Variants in AGBL1 observed in about 807,000 individuals in gnomAD.
AGBL1 encodes cytosolic carboxypeptidase 4.
AGBL1 carries 130 observed loss-of-function variants against 118.9 expected under a neutral mutation model. The ratio of observed to expected loss-of-function variants is 1.09; its 90% CI spans 0.95 to 1.26. The LOEUF (loss-of-function observed/expected upper bound fraction) is 1.26, where lower values mean the gene tolerates loss of function less well. Ranked by LOEUF, AGBL1 falls within the 50% of genes most tolerant of loss-of-function variation. The pLI is 0.00. For missense variants in AGBL1, 1,584 were observed against 1,298.1 expected, an observed-to-expected ratio of 1.22 and a Z score of -3.38; for synonymous variants, 555 against 478.9, an observed-to-expected ratio of 1.16 and a Z score of -2.08.
At chr15:86,117,323 T>C (rs191694132) in intron 1 of AGBL1, among the ~76,000 whole-genome samples, 222 of 152,214 alleles carry the variant, frequency 1.5e-3, no homozygotes, top group Admixed American at 6.8e-3. Context: ...AACTTTTTTT[T>C]CCCTTTATTT....
At chr15:86,138,573 T>C (rs77760523) in intron 1 of AGBL1, among the ~76,000 whole-genome samples, 4,531 of 152,320 alleles carry the variant, frequency 0.03, 88 homozygotes, top group Middle Eastern at 0.085. Context: ...TCCCAGTGAA[T>C]GTTTGCGAGA....
chr15:86,717,330 A>G (rs1380882234), intron 22 of AGBL1, among the ~76,000 whole-genome samples: 1 of 152,186 alleles, frequency 6.6e-6, no homozygotes, highest in Non-Finnish European at 1.5e-5. Flanking sequence ...TAATATGGTC[A>G]GTGTGGAACA....
At chr15:86,976,743 C>T (rs999434098) in intron 23 of AGBL1, among the ~76,000 whole-genome samples, 7 of 151,540 alleles carry the variant, frequency 4.6e-5, no homozygotes, top group African/African-American at 9.7e-5. Flanking sequence ...TTTTTAAATT[C>T]GTATCTTTTT....
chr15:86,231,174 T>C (rs1039733954), intron 6 of AGBL1, among the ~76,000 whole-genome samples: 4 of 152,230 alleles, frequency 2.6e-5, no homozygotes, highest in Admixed American at 2.0e-4. Flanking sequence ...ATGCATATTT[T>C]TCCTACTGGG....
At chr15:86,543,677 A>G (rs2083535893) in intron 19 of AGBL1, among the ~76,000 whole-genome samples, 1 of 152,218 alleles carries the variant, frequency 6.6e-6, no homozygotes, top group Non-Finnish European at 1.5e-5. Context: ...CTGTAGAAAA[A>G]ATAATACTGG....
intron 22 of AGBL1, among the ~76,000 whole-genome samples, chr15:86,771,833 T>C (rs1041068885): frequency 6.6e-6 from 1 of 152,062 alleles, no homozygotes; most frequent in Non-Finnish European, 1.5e-5. Context: ...CATGTTTTAT[T>C]TCCCAGTTAG....
chr15:86,131,345 G>A (rs1347437735), intron 1 of AGBL1, among the ~76,000 whole-genome samples: 4 of 152,108 alleles, frequency 2.6e-5, no homozygotes, highest in East Asian at 1.9e-4. Context: ...ACATGACAAA[G>A]CATTTGTGGA....
At chr15:86,151,224 G>C (rs968619398) in intron 3 of AGBL1, among the ~76,000 whole-genome samples, 1 of 150,810 alleles carries the variant, frequency 6.6e-6, no homozygotes, top group Non-Finnish European at 1.5e-5. Flanking sequence ...TGGGTGCAGC[G>C]CACCAGCATG....
intron 18 of AGBL1, among the ~76,000 whole-genome samples, chr15:86,450,293 T>G (rs2082177320): frequency 1.3e-5 from 2 of 152,196 alleles, no homozygotes; most frequent in Non-Finnish European, 2.9e-5. Flanking sequence ...ACTCCACATT[T>G]TTTCCTTGTC....
intron 18 of AGBL1, among the ~76,000 whole-genome samples, chr15:86,488,205 G>A (rs143899099): frequency 7.9e-5 from 12 of 152,090 alleles, no homozygotes; most frequent in African/African-American, 2.7e-4. Flanking sequence ...ATGGCTAGAC[G>A]TATAGGTCTC....
chr15:86,091,256 G>T (rs17592205), intron 1 of AGBL1, among the ~76,000 whole-genome samples: 2,276 of 152,262 alleles, frequency 0.015, 35 homozygotes, highest in South Asian at 0.075. Flanking sequence ...GGGTGGAAAG[G>T]TTTTCAGAAT....
intron 22 of AGBL1, among the ~76,000 whole-genome samples, chr15:86,812,494 C>G (rs985938777): frequency 6.6e-6 from 1 of 152,222 alleles, no homozygotes; most frequent in African/African-American, 2.4e-5. Context: ...AGTTTTGATG[C>G]TCGAGCTCCA....
At chr15:86,980,116 G>A (rs949892661) in intron 23 of AGBL1, among the ~76,000 whole-genome samples, 3 of 149,892 alleles carry the variant, frequency 2.0e-5, no homozygotes, top group South Asian at 2.1e-4. Flanking sequence ...CCTCAATCCT[G>A]AATTCTTTGC....
intron 22 of AGBL1, among the ~76,000 whole-genome samples, chr15:86,720,922 A>T (rs1156400103): frequency 6.6e-6 from 1 of 152,198 alleles, no homozygotes; most frequent in African/African-American, 2.4e-5. Context: ...ATTCCTCAAC[A>T]CATACACCCT....
chr15:86,120,777 C>A (rs908786842), intron 1 of AGBL1, among the ~76,000 whole-genome samples: 1 of 152,170 alleles, frequency 6.6e-6, no homozygotes, highest in African/African-American at 2.4e-5. Context: ...AGAAATACCC[C>A]TTTGGCATAA....
intron 6 of AGBL1, among the ~76,000 whole-genome samples, chr15:86,246,407 G>A (rs917701993): frequency 6.6e-6 from 1 of 152,230 alleles, no homozygotes; most frequent in Non-Finnish European, 1.5e-5. Flanking sequence ...GAGAGGTCTT[G>A]TTGTGGGACT....
At chr15:86,440,655 C>T (rs748902843) in intron 18 of AGBL1, among the ~76,000 whole-genome samples, 1 of 152,008 alleles carries the variant, frequency 6.6e-6, no homozygotes, top group Non-Finnish European at 1.5e-5. Context: ...AGCCCCAAGA[C>T]ACATATTCGT....
At chr15:86,879,102 T>A (rs780584035) in intron 22 of AGBL1, among the ~76,000 whole-genome samples, 1 of 152,260 alleles carries the variant, frequency 6.6e-6, no homozygotes, top group Non-Finnish European at 1.5e-5. Flanking sequence ...GTCAGAGGTG[T>A]TCCACCCAAG....
chr15:86,499,500 T>G lies in AGBL1; in HGVS notation c.2556-23310T>G, dbSNP rs148226818. On this transcript the variant is annotated intron_variant, in intron 18 of 22. Transcript: ENST00000614907. ...AAGAGTTTCCAAAGCAAGAATCAAA[T>G]CTGTGGAAAGGATTACCACAAAGAG... 5.9e-3 allele frequency among the ~76,000 whole-genome samples: 895 copies of G among 151,942 alleles called. 13 individuals carry two copies. The highest frequency in any genetic ancestry group is 0.02 in the African/African-American group (814 of 41,518).
Sources: allele counts gnomAD v4.1 joint callset (sites outside exome capture counted in the v4.1 genomes callset), GRCh38; gene constraint gnomAD v4.1.1; transcripts MANE v1.5; gene names NCBI Gene and HGNC (gene_info 2026-07-23, HGNC 2026-07-21).